The following ZC2HC1B variants were observed in gnomAD, a reference collection of about 807,000 sequenced individuals.
The protein encoded by ZC2HC1B is zinc finger C2HC-type containing 1B, also known as zinc finger C2HC domain-containing protein 1B.
In ZC2HC1B, 36 loss-of-function variants were observed where a neutral mutation model predicts 31.0. The observed-to-expected ratio is 1.16, with a 90% CI of 0.89 to 1.54. The LOEUF is 1.54. Among genes scored for constraint, ZC2HC1B ranks in the 40% most tolerant of loss-of-function variants. ZC2HC1B has a pLI of 0.00. For synonymous variants in ZC2HC1B, 73 were observed against 88.0 expected, an observed-to-expected ratio of 0.83 and a Z score of 0.95; for missense variants, 260 against 268.6, an observed-to-expected ratio of 0.97 and a Z score of 0.22.
At chr6:143,894,925 A>T (rs1777647445) in intron 4 of ZC2HC1B, among the ~76,000 whole-genome samples, 1 of 152,192 alleles carries the variant, frequency 6.6e-6, no homozygotes, top group Non-Finnish European at 1.5e-5. Flanking sequence ...TCTAAAAAAA[A>T]TTCCTTTTGT....
rs1287202534 is a variant in ZC2HC1B, at chr6:143,886,010, A to G, written c.91-22A>G. Reference sequence around the variant, plus strand: ...CTGATTGTGCACTTTAGAAATTCCAATCCCTACTCTTCGTTTTCTAGGAAA... The same window carrying G: ...CTGATTGTGCACTTTAGAAATTCCAGTCCCTACTCTTCGTTTTCTAGGAAA... On this transcript the variant is annotated intron_variant, in intron 2 of 7. Transcript: ENST00000237275. The surrounding 1 kb of genome is among the most constrained non-coding windows in gnomAD (Gnocchi z 4.2). 1 of 1,505,542 alleles carries G rather than the reference A, an allele frequency of 6.6e-7. No individual in the cohort carries two copies. The highest frequency in any genetic ancestry group is 1.3e-5 in the South Asian group (1 of 75,254). 93.3% of individuals were successfully genotyped at this position (1,505,542 alleles called of 1,614,324 possible).
At position 143,873,850 on chromosome 6, in the gene ZC2HC1B, G is replaced by C. The variant is rs546430928; in HGVS notation, c.28+9283G>C. On this transcript the variant is annotated intron_variant, in intron 1 of 7. Transcript: ENST00000237275. ...TGGGCGTTCGATGGGAGGGGCTGCT[G>C]TGAAGGTCTCTGAAATGGCCTGGAG... Among the ~76,000 whole-genome samples the C allele has an allele frequency of 3.1e-3, 475 of 152,350 alleles. 5 individuals carry two copies. Among genetic ancestry groups the C allele is most frequent in the African/African-American group, 0.011 (459 of 41,574 alleles).
chr6:143,902,402 C>T (rs1005185870), intron 5 of ZC2HC1B, among the ~76,000 whole-genome samples: 7 of 152,156 alleles, frequency 4.6e-5, no homozygotes, highest in Admixed American at 3.3e-4. Context: ...GAGCTGCCTC[C>T]TATAGTCTCT....
At position 143,868,466 on chromosome 6, in the gene ZC2HC1B, A is replaced by AT. The variant is rs75389167; in HGVS notation, c.28+3909dup. On this transcript the variant is annotated intron_variant, in intron 1 of 7. Coordinates refer to ENST00000237275, the MANE Select transcript of ZC2HC1B (RefSeq NM_001013623.3). The surrounding 1 kb of genome is among the most constrained non-coding windows in gnomAD (Gnocchi z 4.2). ...GGCTAGGCCAGTCTAGTCTTTTCAC[A>AT]TTTTTTTTTTCTGCCTGCTTTAGAT... 0.27 allele frequency among the ~76,000 whole-genome samples: 41,060 copies of AT among 150,336 alleles called. 6,174 individuals carry two copies. The highest frequency in any genetic ancestry group is 0.43 in the East Asian group (2,209 of 5,116).
rs558200993 is a variant in ZC2HC1B, at chr6:143,872,673, A to G, written c.28+8106A>G. ...AGGCCTCAGAATCATGGCAGAAGGC[A>G]AAAGGCACTACTTACATGGTGGCAG... On this transcript the variant is annotated intron_variant, in intron 1 of 7. Coordinates refer to ENST00000237275, the MANE Select transcript of ZC2HC1B (RefSeq NM_001013623.3). The surrounding 1 kb of genome is among the most constrained non-coding windows in gnomAD (Gnocchi z 5.5). Among the ~76,000 whole-genome samples the G allele has an allele frequency of 3.2e-3, 488 of 152,352 alleles. 5 individuals are homozygous for G. Among genetic ancestry groups the G allele is most frequent in the African/African-American group, 0.011 (470 of 41,570 alleles).
At chr6:143,935,488 AG>A (rs1778165675) in intron 6 of ZC2HC1B, among the ~76,000 whole-genome samples, 1 of 151,580 alleles carries the variant, frequency 6.6e-6, no homozygotes, top group South Asian at 2.1e-4. Context: ...TTTCTGTGGC[AG>A]GGGTCAGGGC....
chr6:143,882,000 C>T lies in ZC2HC1B; in HGVS notation c.29-2304C>T, dbSNP rs185896470. Among the ~76,000 whole-genome samples the T allele has an allele frequency of 2.8e-4, 42 of 152,084 alleles. No homozygotes were observed. The Middle Eastern group carries it at 0.017, about 62-fold the overall frequency. On this transcript the variant is annotated intron_variant, in intron 1 of 7. Transcript: ENST00000237275. ...ACTAACATCTCTCTAGTTGTAGTGA[C>T]GGTTGAATTAACAGTCTTAATACTT...
At chr6:143,927,395 C>T (rs1778065497) in intron 6 of ZC2HC1B, among the ~76,000 whole-genome samples, 1 of 152,162 alleles carries the variant, frequency 6.6e-6, no homozygotes, top group Non-Finnish European at 1.5e-5. Context: ...GAAGTGAGAA[C>T]ATGCAGTATT....
chr6:143,914,822 C>T (rs897829325), intron 6 of ZC2HC1B, among the ~76,000 whole-genome samples: 5 of 151,924 alleles, frequency 3.3e-5, no homozygotes, highest in African/African-American at 1.2e-4. Flanking sequence ...TATTAGTGGC[C>T]TCTGCTCTCT....
Position 143,892,367 on chromosome 6 carries a change from C to G in ZC2HC1B, c.349+5546C>G, listed in dbSNP as rs190789232. Reference sequence around the variant, plus strand: ...CTGGAGTGCAGTGGCATGATCTCAGCTCACTGCAACCTCTGCCTCCCACAC... The same window carrying G: ...CTGGAGTGCAGTGGCATGATCTCAGGTCACTGCAACCTCTGCCTCCCACAC... On this transcript the variant is annotated intron_variant, in intron 4 of 7. Coordinates refer to ENST00000237275, the MANE Select transcript of ZC2HC1B (RefSeq NM_001013623.3). Among the ~76,000 whole-genome samples, 8 of 151,252 alleles carry G rather than the reference C, an allele frequency of 5.3e-5. No individual in the cohort carries two copies. In the East Asian group the frequency reaches 1.4e-3, roughly 26 times the overall value.
In ZC2HC1B at chr6:143,933,535, GGGAT is replaced by G. The variant is rs1778146688; in HGVS notation, c.599-4111_599-4108del. On this transcript the variant is annotated intron_variant, in intron 6 of 7. Transcript: ENST00000237275. This position sits in a 1 kb window ranked among gnomAD's most constrained non-coding sequence, Gnocchi z 6.4. ...GCTGTGGCCACTGTGGGGAGATCAG[GGGAT>G]GGTTCTTGGGCCAATGGAGTTATGT... Among the ~76,000 whole-genome samples, 1 of 152,110 alleles carries G rather than the reference GGGAT, an allele frequency of 6.6e-6. No individual in the cohort carries two copies. The highest frequency in any genetic ancestry group is 6.5e-5 in the Admixed American group (1 of 15,280).
chr6:143,873,636 C>T (rs774979653), intron 1 of ZC2HC1B, among the ~76,000 whole-genome samples: 1 of 152,252 alleles, frequency 6.6e-6, no homozygotes, highest in Non-Finnish European at 1.5e-5. Context: ...TCTGTGCACC[C>T]GCAAGCTCAA....
At chr6:143,910,059 C>T (rs557183434) in intron 6 of ZC2HC1B, among the ~76,000 whole-genome samples, 1 of 152,238 alleles carries the variant, frequency 6.6e-6, no homozygotes, top group South Asian at 2.1e-4. Flanking sequence ...GTAAATTTTC[C>T]TCTTAACACT....
intron 1 of ZC2HC1B, among the ~76,000 whole-genome samples, chr6:143,873,632 C>A (rs1777370953): frequency 2.0e-5 from 3 of 152,370 alleles, no homozygotes; most frequent in South Asian, 4.1e-4. Flanking sequence ...CACTTCTGTG[C>A]ACCCGCAAGC....
rs774148886 is a variant in ZC2HC1B at position 143,903,121 on chromosome 6, G to A, written c.567G>A (p.Leu189=). 1 of 1,552,106 alleles carries A rather than the reference G, an allele frequency of 6.4e-7. No individual in the cohort carries two copies. Among genetic ancestry groups the A allele is most frequent in the Non-Finnish European group, 8.7e-7 (1 of 1,147,084 alleles). Reference sequence around the variant, plus strand: ...GAGCTTTGCTGCAGAACAGGGTCCTGGTGGCCACGAATGAAGTCCCAACCA... The same window carrying A: ...GAGCTTTGCTGCAGAACAGGGTCCTAGTGGCCACGAATGAAGTCCCAACCA... ...AVGALLQNRV[L]VATNEVPTKS... The change falls in exon 6 of 8, where the codon CTG becomes CTA. Residue 189 remains leucine, a synonymous_variant. Transcript: ENST00000237275. The surrounding 1 kb of genome is among the most constrained non-coding windows in gnomAD (Gnocchi z 4.3).
Position 143,865,640 on chromosome 6 carries a change from G to A in ZC2HC1B, c.28+1073G>A, listed in dbSNP as rs114394351. Among the ~76,000 whole-genome samples, 2,189 of 152,226 alleles carry A rather than the reference G, an allele frequency of 0.014. 46 individuals carry two copies. The highest frequency in any genetic ancestry group is 0.05 in the African/African-American group (2,092 of 41,504). ...GCTTTATCCTTAGGTCTGGAAGGGT[G>A]CCTGGCATTCAGTATACAGTCACAA... On this transcript the variant is annotated intron_variant, in intron 1 of 7. Transcript: ENST00000237275. The surrounding 1 kb of genome is among the most constrained non-coding windows in gnomAD (Gnocchi z 4.4).
rs556600569 is a variant in ZC2HC1B, at chr6:143,900,253, G to A, written c.489+1562G>A. 1.7e-3 allele frequency among the ~76,000 whole-genome samples: 257 copies of A among 152,168 alleles called. 1 individual carries two copies. Among genetic ancestry groups the A allele is most frequent in the African/African-American group, 6.0e-3 (251 of 41,530 alleles). ...AAAAATACAAAATCAGCCGTGTGTG[G>A]TGTCACATGCCTGTAATCCCAGCTA... On this transcript the variant is annotated intron_variant, in intron 5 of 7. Transcript: ENST00000237275.
At chr6:143,936,545 T>G (rs1234067651) in intron 6 of ZC2HC1B, among the ~76,000 whole-genome samples, 1 of 152,242 alleles carries the variant, frequency 6.6e-6, no homozygotes, top group African/African-American at 2.4e-5. Context: ...TATAGCCTAG[T>G]CAGCAAATAT....
At chr6:143,906,233 T>C (rs1777793514) in intron 6 of ZC2HC1B, among the ~76,000 whole-genome samples, 1 of 152,196 alleles carries the variant, frequency 6.6e-6, no homozygotes. Flanking sequence ...TATTCAAATA[T>C]TCTATTCGTT....
Sources: gnomAD v4.1 joint callset for allele counts (sites outside exome capture counted in the v4.1 genomes callset) on GRCh38, gnomAD v4.1.1 for gene constraint, Gnocchi (gnomAD v3.1) non-coding constraint, MANE v1.5 for transcripts, NCBI Gene and HGNC (gene_info 2026-07-23, HGNC 2026-07-21) for gene names.